CTBP2: variants seen among roughly 807,000 people sequenced by gnomAD.
The protein encoded by CTBP2 is C-terminal binding protein 2.
CTBP2 carries 30 observed loss-of-function variants against 80.3 expected under a neutral mutation model. That is an observed-to-expected ratio of 0.37 (90% confidence interval 0.28 to 0.51). CTBP2 has a LOEUF of 0.51. Among genes scored for constraint, CTBP2 ranks in the 20% least tolerant of loss-of-function variants. CTBP2 has a pLI of 0.93. For missense variants in CTBP2, 1,212 were observed against 1,375.3 expected (o/e 0.88, Z 1.88); for synonymous variants, 594 against 587.4 (o/e 1.01, Z -0.16).
intron 1 of CTBP2, among the ~76,000 whole-genome samples, chr10:125,116,298 C>T (rs1203424152): frequency 6.6e-6 from 1 of 152,208 alleles, no homozygotes; most frequent in African/African-American, 2.4e-5. Flanking sequence ...CACAGCTGGC[C>T]TGAGGTTTCT....
intron 3 of CTBP2, among the ~76,000 whole-genome samples, chr10:125,034,023 C>G (rs73375155): frequency 6.6e-6 from 1 of 152,082 alleles, no homozygotes; most frequent in Non-Finnish European, 1.5e-5. Context: ...ACATCCCTGG[C>G]CCCCCAAATA....
intron 7 of CTBP2, 21 bp downstream of exon 9, chr10:124,993,181 C>G: frequency 6.3e-7 from 1 of 1,584,492 alleles, no homozygotes; most frequent in Non-Finnish European, 8.6e-7. Flanking sequence ...CTTGGCAGGC[C>G]AGAGGCACGG....
At chr10:125,086,536 A>G (rs1847995842) in intron 2 of CTBP2, among the ~76,000 whole-genome samples, 1 of 150,208 alleles carries the variant, frequency 6.7e-6, no homozygotes, top group Middle Eastern at 3.2e-3. Context: ...AATCGCTTGA[A>G]CCTGGGAGGT....
rs967670088 is a variant in CTBP2, at chr10:125,027,384, G to A, written c.376C>T (p.Leu126Phe). ...CGGCTGACTCCTGGGTCCCGATAGA[G>A]GGGAGGCTCTTTGGGTACCCTAGCA... is the stretch of plus-strand genomic sequence containing the variant. The change falls in exon 1 of 9, where the codon CTC becomes TTC. Residue 126 changes from leucine (L) to phenylalanine (F), a missense_variant. Physicochemically the swap from Leu to Phe is conservative, Grantham distance 22 (BLOSUM62 0). Around this residue, in one of 3 missense-constraint regions of CTBP2, gnomAD observed 848 missense variants for 782.3 expected, o/e 1.08. Transcript: ENST00000309035. The A allele has an allele frequency of 1.9e-6, 3 of 1,613,502 alleles. No individual in the cohort carries two copies. Among genetic ancestry groups the A allele is most frequent in the Admixed American group, 1.7e-5 (1 of 60,000 alleles).
intron 2 of CTBP2, among the ~76,000 whole-genome samples, chr10:125,107,151 C>CCTCCCCTA (rs1564933953): frequency 6.6e-6 from 1 of 152,360 alleles, no homozygotes; most frequent in South Asian, 2.1e-4. Context: ...GGGGGCCCCT[C>CCTCCCCTA]CTCCCCTACT....
chr10:125,085,385 C>T (rs1307157257), intron 2 of CTBP2, among the ~76,000 whole-genome samples: 2 of 152,194 alleles, frequency 1.3e-5, no homozygotes, highest in Non-Finnish European at 2.9e-5. Context: ...CCTTCCTGTA[C>T]ACACGCCTGA....
At chr10:125,024,940 A>G (rs185298774) in intron 1 of CTBP2, among the ~76,000 whole-genome samples, 2 of 152,334 alleles carry the variant, frequency 1.3e-5, no homozygotes, top group Non-Finnish European at 2.9e-5. Context: ...CTCCACTTGG[A>G]AACAAAATGC....
At chr10:125,112,429 C>CA in intron 1 of CTBP2, among the ~76,000 whole-genome samples, 2 of 101,612 alleles carry the variant, frequency 2.0e-5, no homozygotes, top group African/African-American at 4.1e-5. Context: ...CTACCTTTTT[C>CA]GTTTTTTTTT....
At chr10:125,123,204 A>G (rs1280291639) in intron 1 of CTBP2, among the ~76,000 whole-genome samples, 10 of 149,562 alleles carry the variant, frequency 6.7e-5, no homozygotes, top group South Asian at 2.1e-4. Flanking sequence ...CCTCAAGTGG[A>G]TATGACTATA....
At chr10:125,155,067 T>C (rs1181821521) in intron 1 of CTBP2, among the ~76,000 whole-genome samples, 1 of 152,256 alleles carries the variant, frequency 6.6e-6, no homozygotes, top group Non-Finnish European at 1.5e-5. Flanking sequence ...CTGTTTACTT[T>C]CCTTGAGGAA....
intron 2 of CTBP2, among the ~76,000 whole-genome samples, chr10:125,040,818 G>T (rs759145440): frequency 6.6e-6 from 1 of 152,298 alleles, no homozygotes; most frequent in South Asian, 2.1e-4. Context: ...TCCCAGCAAC[G>T]AAGCTGAAAA....
At chr10:125,037,033 T>G (rs1310836389) in intron 3 of CTBP2, among the ~76,000 whole-genome samples, 1 of 152,220 alleles carries the variant, frequency 6.6e-6, no homozygotes, top group Non-Finnish European at 1.5e-5. Context: ...TAACTGCATT[T>G]TGGCCTGTCT....
chr10:125,152,499 T>C (rs1465257698), intron 1 of CTBP2, among the ~76,000 whole-genome samples: 3 of 152,222 alleles, frequency 2.0e-5, no homozygotes, highest in African/African-American at 7.2e-5. Context: ...ACAGCCTCTT[T>C]ATGACTTGGG....
intron 3 of CTBP2, among the ~76,000 whole-genome samples, chr10:125,036,935 G>A (rs1958966084): frequency 6.6e-6 from 1 of 152,140 alleles, no homozygotes; most frequent in African/African-American, 2.4e-5. Context: ...ATACATAGGA[G>A]GAGCACCAAC....
chr10:125,149,739 T>TG (rs1342169320), intron 1 of CTBP2, among the ~76,000 whole-genome samples: 3 of 152,264 alleles, frequency 2.0e-5, no homozygotes, highest in African/African-American at 7.2e-5. Flanking sequence ...CTTCACCTTG[T>TG]GGGGACCTTA....
rs368195398 is a variant in CTBP2 at position 125,003,468 on chromosome 10, C to A, written c.1703G>T (p.Gly568Val). ...CACCAGGGGGCGGGGGTGCAGGGGG[C>A]CGTTCATGATCTGGGGGCGGATACC... Residue 568 changes from glycine to valine, a missense_variant, in exon 2 of 9, where the codon GGC becomes GTC. Physicochemically the swap from Gly to Val is moderately radical, Grantham distance 109 (BLOSUM62 -3). Transcript: ENST00000309035. 3 of 1,572,680 alleles carry A rather than the reference C, an allele frequency of 1.9e-6. No individual in the cohort carries two copies. Among genetic ancestry groups the A allele is most frequent in the African/African-American group, 2.8e-5 (2 of 72,332 alleles).
intron 1 of CTBP2, among the ~76,000 whole-genome samples, chr10:125,131,019 T>TGGGGAGGCAGACAGGC (rs1344015341): frequency 1.3e-5 from 2 of 152,102 alleles, no homozygotes; most frequent in African/African-American, 4.8e-5. Context: ...AGAGACTTCT[T>TGGGGAGGCAGACAGGC]GGGGAGGCAG....
chr10:124,991,549 C>CA (rs1952618339), intron 8 of CTBP2, among the ~76,000 whole-genome samples: 4 of 152,166 alleles, frequency 2.6e-5, no homozygotes, highest in Non-Finnish European at 2.9e-5. Flanking sequence ...TCAAGAGTGT[C>CA]AGAGCCTTCA....
rs144129239 is a variant in CTBP2 at position 125,027,545 on chromosome 10, C to T, written c.215G>A (p.Arg72Gln). Reference sequence around the variant, plus strand: ...AGCCACTGAGTTATAAACGGCCTCCCGGTACAGGTAGGGCTCGGCGGCCAC... The same window carrying T: ...AGCCACTGAGTTATAAACGGCCTCCTGGTACAGGTAGGGCTCGGCGGCCAC... Residue 72 changes from arginine to glutamine, a missense_variant, in exon 1 of 9, where the codon CGG (arginine) becomes CAG (glutamine). Arg to Gln is a conservative substitution (Grantham distance 43). This residue lies in a region of CTBP2 where 848 missense variants were observed against 782.3 expected (regional missense o/e 1.08). Transcript: ENST00000309035. 33 of 1,614,038 alleles carry T rather than the reference C, an allele frequency of 2.0e-5. No homozygotes were observed. The highest frequency in any genetic ancestry group is 5.3e-5 in the African/African-American group (4 of 74,914).
Sources: allele counts gnomAD v4.1 joint callset (sites outside exome capture counted in the v4.1 genomes callset), GRCh38; gene constraint gnomAD v4.1.1; regional missense constraint gnomAD v4.1.1; transcripts MANE v1.5; gene names NCBI Gene and HGNC (gene_info 2026-07-23, HGNC 2026-07-21).